Variants in ADAM29 observed in about 807,000 individuals in gnomAD.
ADAM29 encodes the protein ADAM metallopeptidase domain 29, also known as disintegrin and metalloproteinase domain-containing protein 29.
For missense variants in ADAM29, 969 were observed against 1,001.8 expected, an observed-to-expected ratio of 0.97 and a Z score of 0.44; for synonymous variants, 367 against 342.3, an observed-to-expected ratio of 1.07 and a Z score of -0.80.
At chr4:174,940,780 T>G (rs1455812415) in intron 4 of ADAM29, among the ~76,000 whole-genome samples, 2 of 152,156 alleles carry the variant, frequency 1.3e-5, no homozygotes, top group East Asian at 3.9e-4. Flanking sequence ...ATGGTCATGA[T>G]TATACATTCC....
rs371841433 is a variant in ADAM29 at position 174,977,515 on chromosome 4, A to T, written c.1990A>T (p.Ser664Cys). The change falls in exon 5 of 5, where the codon AGT becomes TGT. Residue 664 changes from serine to cysteine, a missense_variant. Transcript: ENST00000359240. ...AAAAGGCTATGGAGGTAGTGTTGAC[A>T]GTGGCCCACCCCCTAAGAGAAAGAA... Reference protein sequence around the residue: ...LIKGYGGSVDSGPPPKRKKKK... With the variant: ...LIKGYGGSVDCGPPPKRKKKK... 1 of 1,614,226 alleles carries T rather than the reference A, an allele frequency of 6.2e-7. No individual in the cohort carries two copies. The highest frequency in any genetic ancestry group is 8.5e-7 in the Non-Finnish European group (1 of 1,180,036).
At chr4:174,946,929 T>C (rs1024552911) in intron 4 of ADAM29, among the ~76,000 whole-genome samples, 1 of 152,196 alleles carries the variant, frequency 6.6e-6, no homozygotes, top group Non-Finnish European at 1.5e-5. Flanking sequence ...GAACTCATTA[T>C]TGGTCTGTTC....
intron 4 of ADAM29, among the ~76,000 whole-genome samples, chr4:174,948,410 TC>T (rs894852670): frequency 1.3e-5 from 2 of 152,164 alleles, no homozygotes; most frequent in African/African-American, 4.8e-5. Context: ...TGACTTCACT[TC>T]CGGAGGATTT....
chr4:174,963,008 G>A (rs1340540355), intron 4 of ADAM29, among the ~76,000 whole-genome samples: 1 of 152,072 alleles, frequency 6.6e-6, no homozygotes, highest in Non-Finnish European at 1.5e-5. Flanking sequence ...GACAATTAGT[G>A]TTTTGTGCTT....
intron 4 of ADAM29, among the ~76,000 whole-genome samples, chr4:174,966,200 T>C (rs1746148648): frequency 6.6e-6 from 1 of 152,206 alleles, no homozygotes; most frequent in African/African-American, 2.4e-5. Flanking sequence ...ACATGTTCAG[T>C]ACAGATGCAA....
At chr4:174,955,241 T>C (rs1450758117) in intron 4 of ADAM29, among the ~76,000 whole-genome samples, 3 of 152,062 alleles carry the variant, frequency 2.0e-5, no homozygotes, top group African/African-American at 7.2e-5. Flanking sequence ...ATCTGGCTCA[T>C]TGAATCATGA....
At chr4:174,960,350 T>C (rs1745739329) in intron 4 of ADAM29, among the ~76,000 whole-genome samples, 1 of 152,114 alleles carries the variant, frequency 6.6e-6, no homozygotes, top group African/African-American at 2.4e-5. Context: ...AGAAGTTGTT[T>C]AATCTCCAAA....
chr4:174,958,743 AT>A (rs1275107049), intron 4 of ADAM29, among the ~76,000 whole-genome samples: 1 of 151,550 alleles, frequency 6.6e-6, no homozygotes, highest in Non-Finnish European at 1.5e-5. Context: ...TGTTTTAATT[AT>A]TTTATATTAT....
Position 174,975,612 on chromosome 4 carries a change from C to T in ADAM29, c.87C>T (p.Ser29=). The T allele has an allele frequency of 1.2e-6, 2 of 1,607,804 alleles. No individual in the cohort carries two copies. The highest frequency in any genetic ancestry group is 1.7e-6 in the Non-Finnish European group (2 of 1,177,116). Reference sequence around the variant, plus strand: ...AGGATGAGCACCCCCAATATCACAGCCCTCCGGATGTGGTGATTCCTGTGA... The same window carrying T: ...AGGATGAGCACCCCCAATATCACAGTCCTCCGGATGTGGTGATTCCTGTGA... ...HIQDEHPQYH[S]PPDVVIPVRI... Residue 29 remains serine, a synonymous_variant, in exon 5 of 5, where the codon AGC becomes AGT. Transcript: ENST00000359240.
chr4:174,976,476 T>C lies in ADAM29; in HGVS notation c.951T>C (p.Thr317=), dbSNP rs779461669. ...CTPHRSCAIV[T]FMNKTLGTFS... The stretch of plus-strand genomic sequence containing the variant: ...CACACCGTAGTTGTGCAATTGTTAC[T>C]TTCATGAACAAAACTTTGGGCACTT... The change falls in exon 5 of 5, where the codon ACT becomes ACC. Residue 317 remains threonine (T), a synonymous_variant. Coordinates refer to ENST00000359240, the MANE Select transcript of ADAM29 (RefSeq NM_014269.4). 4.7e-5 allele frequency: 75 copies of C among 1,611,414 alleles called. No individual in the cohort carries two copies. The highest frequency in any genetic ancestry group is 6.3e-5 in the Non-Finnish European group (74 of 1,178,752).
intron 4 of ADAM29, among the ~76,000 whole-genome samples, chr4:174,962,983 C>T (rs1012481469): frequency 6.6e-6 from 1 of 152,092 alleles, no homozygotes; most frequent in Admixed American, 6.5e-5. Flanking sequence ...AAAACTTTAG[C>T]ATCTCAGAAA....
chr4:174,942,139 A>G (rs1399788572), intron 4 of ADAM29, among the ~76,000 whole-genome samples: 1 of 152,170 alleles, frequency 6.6e-6, no homozygotes, highest in Non-Finnish European at 1.5e-5. Context: ...GTGGCTCTGT[A>G]GGGTACAGTC....
Position 174,941,981 on chromosome 4 carries a change from G to A in ADAM29, c.-181+4968G>A, listed in dbSNP as rs568781044. Reference sequence around the variant, plus strand: ...AGGGAAAAATTGGCCAAAACAAAGAGGCTACAGGCCCCACGCAATTCCAAA... The same window carrying A: ...AGGGAAAAATTGGCCAAAACAAAGAAGCTACAGGCCCCACGCAATTCCAAA... On this transcript the variant is annotated intron_variant, in intron 4 of 4. Coordinates refer to ENST00000359240, the MANE Select transcript of ADAM29 (RefSeq NM_014269.4). Among the ~76,000 whole-genome samples, 9 of 152,264 alleles carry A rather than the reference G, an allele frequency of 5.9e-5. No homozygotes were observed. In the East Asian group the frequency reaches 1.7e-3, roughly 29 times the overall value.
chr4:174,959,002 A>G (rs761006689), intron 4 of ADAM29, among the ~76,000 whole-genome samples: 1 of 151,806 alleles, frequency 6.6e-6, no homozygotes, highest in Non-Finnish European at 1.5e-5. Flanking sequence ...ATTGCTTTAG[A>G]TAACTAACTG....
At chr4:174,974,451 T>C (rs1471293955) in intron 4 of ADAM29, among the ~76,000 whole-genome samples, 2 of 152,208 alleles carry the variant, frequency 1.3e-5, no homozygotes, top group Admixed American at 1.3e-4. Flanking sequence ...ATTCTCTATG[T>C]CCATGAGTTT....
intron 4 of ADAM29, among the ~76,000 whole-genome samples, chr4:174,974,390 C>A (rs1241061895): frequency 6.6e-6 from 1 of 152,206 alleles, no homozygotes; most frequent in Non-Finnish European, 1.5e-5. Context: ...TGACCTTCCT[C>A]AAGTCCAAAG....
At chr4:174,956,256 C>T (rs539871066) in intron 4 of ADAM29, among the ~76,000 whole-genome samples, 1 of 152,098 alleles carries the variant, frequency 6.6e-6, no homozygotes, top group Middle Eastern at 3.4e-3. Context: ...AAATTCTTTG[C>T]AGCTACAGTG....
At chr4:174,935,456 A>G (rs1042245189) in intron 3 of ADAM29, among the ~76,000 whole-genome samples, 1 of 152,066 alleles carries the variant, frequency 6.6e-6, no homozygotes, top group African/African-American at 2.4e-5. Flanking sequence ...TCAAGTTAAA[A>G]TGTTCTATTT....
Position 174,976,056 on chromosome 4 carries a change from T to C in ADAM29, c.531T>C (p.Phe177=). The change falls in exon 5 of 5, where the codon TTT becomes TTC. Residue 177 remains phenylalanine (F), a synonymous_variant. Coordinates refer to ENST00000359240, the MANE Select transcript of ADAM29 (RefSeq NM_014269.4). The part of the protein sequence containing the change: ...MQNEITCRME[F]EEIDNSTQKQ... ...ATGAAATAACATGCCGAATGGAATT[T>C]GAAGAAATTGATAATTCCACTCAGA... The C allele has an allele frequency of 6.2e-7, 1 of 1,610,288 alleles. No individual in the cohort carries two copies. Among genetic ancestry groups the C allele is most frequent in the South Asian group, 1.1e-5 (1 of 90,166 alleles).
Sources: allele counts gnomAD v4.1 joint callset (sites outside exome capture counted in the v4.1 genomes callset), GRCh38; gene constraint gnomAD v4.1.1; transcripts MANE v1.5; gene names NCBI Gene and HGNC (gene_info 2026-07-23, HGNC 2026-07-21).